Variants in KIFC3 observed in about 807,000 individuals in gnomAD.
KIFC3 encodes the protein kinesin family member C3.
Under a neutral mutation model 101.8 loss-of-function variants are expected in KIFC3, and 60 were observed. The observed-to-expected ratio is 0.59, with a 90% CI of 0.48 to 0.73. The LOEUF is 0.73. Among genes scored for constraint, KIFC3 ranks in the 30% least tolerant of loss-of-function variants. The pLI is 0.00. For synonymous variants in KIFC3, 476 were observed against 482.7 expected (o/e 0.99, Z 0.18); for missense variants, 966 against 1,137.1 (o/e 0.85, Z 2.16).
At chr16:57,815,733 C>T (rs1598197678) in intron 1 of KIFC3, 2 of 1,125,204 alleles carry the variant, frequency 1.8e-6, no homozygotes, top group Non-Finnish European at 2.4e-6. Context: ...CAACTCCACC[C>T]AGCCATGGCT....
intron 1 of KIFC3, among the ~76,000 whole-genome samples, chr16:57,831,219 G>A (rs782743796): frequency 3.3e-5 from 5 of 152,226 alleles, no homozygotes; most frequent in Non-Finnish European, 7.3e-5. Context: ...GCTAGAGTGA[G>A]AACCACATCT....
At chr16:57,766,236 C>T (rs571408307) in intron 10 of KIFC3, among the ~76,000 whole-genome samples, 46 of 152,294 alleles carry the variant, frequency 3.0e-4, no homozygotes, top group Non-Finnish European at 5.9e-4. Flanking sequence ...CCAGCATGGC[C>T]CACCTGCCCT....
rs1249281417 is a variant in KIFC3 at position 57,760,377 on chromosome 16, AAT to A, written c.2270_2271del (p.Tyr757PhefsTer6). On this transcript the variant is annotated frameshift_variant, in exon 17 of 20. Transcript: ENST00000445690. LOFTEE classifies it high-confidence loss of function. ...PVEKNTSETL[Y>X]SLKFAERVRS... is the part of the protein sequence containing the mutation. ...CGCACCCTCTCAGCAAACTTGAGGG[AAT>A]AGAGCGTCTCGCTAGTGTTCTTCTC... 5 of 1,613,842 alleles carry A rather than the reference AAT, an allele frequency of 3.1e-6. No individual in the cohort carries two copies. Among genetic ancestry groups the A allele is most frequent in the Non-Finnish European group, 4.2e-6 (5 of 1,179,990 alleles).
In KIFC3 at chr16:57,758,760, A is replaced by ATCTT. The variant is rs782181297; in HGVS notation, c.*170_*173dup. The ATCTT allele has an allele frequency of 7.7e-6, 8 of 1,036,652 alleles. No homozygotes were observed. The highest frequency in any genetic ancestry group is 4.0e-4 in the Middle Eastern group (2 of 4,954). The allele number at this position is 1,036,652 out of a possible 1,614,324, so 64.2% of individuals were successfully genotyped here. A position where few individuals can be genotyped will look rare whatever the true frequency, so the allele number is the denominator to read the frequency against. ...CCGTTTCCTTCTGAACATGTTTCTC[A>ATCTT]TCTTTGAGGGGAGACGGGGCAGAAG... is the stretch of plus-strand genomic sequence containing the variant. On this transcript the variant is annotated 3_prime_UTR_variant, in exon 20 of 20. Coordinates refer to ENST00000445690, the MANE Select transcript of KIFC3 (RefSeq NM_001130100.2).
At chr16:57,844,661 C>G (rs966638023) in intron 1 of KIFC3, among the ~76,000 whole-genome samples, 4 of 152,098 alleles carry the variant, frequency 2.6e-5, no homozygotes, top group African/African-American at 9.7e-5. Flanking sequence ...CCCCACCGCC[C>G]CCTCCGCAGG....
chr16:57,788,812 C>CA lies in KIFC3; in HGVS notation c.315+6186dup, dbSNP rs1205999869. 2.8e-5 allele frequency: 33 copies of CA among 1,171,150 alleles called. No homozygotes were observed. The Admixed American group carries it at 9.3e-4, about 33-fold the overall frequency. 72.5% of individuals were successfully genotyped at this position (1,171,150 alleles called of 1,614,324 possible). On this transcript the variant is annotated intron_variant, in intron 3 of 19. Coordinates refer to ENST00000445690, the MANE Select transcript of KIFC3 (RefSeq NM_001130100.2). ...GTGCTCCCGGAGCTGGCAAGGATCCCAGGGCCCAGCGGGTCCAGTCCCTCC... is the reference window on the plus strand; with the variant it reads ...GTGCTCCCGGAGCTGGCAAGGATCCCAAGGGCCCAGCGGGTCCAGTCCCTCC...
At chr16:57,820,839 G>A (rs1158586099) in intron 1 of KIFC3, among the ~76,000 whole-genome samples, 1 of 152,196 alleles carries the variant, frequency 6.6e-6, no homozygotes, top group African/African-American at 2.4e-5. Flanking sequence ...AGAGAATACA[G>A]GTAAGGTGCA....
At chr16:57,760,197 G>T in intron 17 of KIFC3, 85 bp downstream of exon 17, 1 of 1,485,052 alleles carries the variant, frequency 6.7e-7, no homozygotes, top group East Asian at 2.3e-5. Flanking sequence ...GCTTCAGGAC[G>T]TCCCCGCCCA....
chr16:57,826,869 G>A (rs539663475), intron 1 of KIFC3, among the ~76,000 whole-genome samples: 5 of 152,230 alleles, frequency 3.3e-5, no homozygotes, highest in East Asian at 1.9e-4. Context: ...TCTGGACCTC[G>A]GACTCCCAGA....
At chr16:57,861,935 T>G (rs1485933831) in intron 1 of KIFC3, among the ~76,000 whole-genome samples, 2 of 152,122 alleles carry the variant, frequency 1.3e-5, no homozygotes, top group Middle Eastern at 3.4e-3. Context: ...GGCAACAAAG[T>G]GAAACTCTGC....
chr16:57,828,267 G>A (rs782747815), intron 1 of KIFC3, among the ~76,000 whole-genome samples: 7 of 152,240 alleles, frequency 4.6e-5, no homozygotes, highest in Non-Finnish European at 7.3e-5. Context: ...GGTAGGAAGC[G>A]TGCTTAGGTC....
At chr16:57,819,806 G>C (rs2055313363) in intron 1 of KIFC3, among the ~76,000 whole-genome samples, 1 of 151,870 alleles carries the variant, frequency 6.6e-6, no homozygotes, top group African/African-American at 2.4e-5. Flanking sequence ...TGATCTGCCT[G>C]CCTCAGCCTC....
chr16:57,839,814 CT>C (rs770897176), intron 1 of KIFC3, among the ~76,000 whole-genome samples: 82 of 152,218 alleles, frequency 5.4e-4, no homozygotes, highest in African/African-American at 3.4e-4. Context: ...TTTTTCCCCC[CT>C]GGATCTAAAA....
intron 9 of KIFC3, among the ~76,000 whole-genome samples, chr16:57,768,976 C>T (rs1248414021): frequency 3.9e-5 from 6 of 152,130 alleles, no homozygotes; most frequent in South Asian, 2.1e-4. Flanking sequence ...AGACCAGCCT[C>T]GGCAACATAA....
chr16:57,814,098 A>G (rs1387731261), intron 1 of KIFC3, among the ~76,000 whole-genome samples: 1 of 152,140 alleles, frequency 6.6e-6, no homozygotes, highest in Admixed American at 6.5e-5. Context: ...CTCAGCATGC[A>G]TTCAGAGCTC....
chr16:57,771,528 G>A lies in KIFC3; in HGVS notation c.525+15C>T, dbSNP rs529996725. 1.2e-5 allele frequency: 19 copies of A among 1,611,882 alleles called. No homozygotes were observed. Among genetic ancestry groups the A allele is most frequent in the African/African-American group, 2.7e-5 (2 of 75,060 alleles). ...CCTCCAGGACCAGCATGGGGACCAC[G>A]GCCATTCTGCTCACCTGGCTGTGCT... is the stretch of plus-strand genomic sequence containing the variant. On this transcript the variant is annotated intron_variant, in intron 5 of 19. Coordinates refer to ENST00000445690, the MANE Select transcript of KIFC3 (RefSeq NM_001130100.2).
rs534738233 is a variant in KIFC3, at chr16:57,802,088, C to T, written c.-40+282G>A. Reference sequence around the variant, plus strand: ...CATCCCGGGTAGGGTCTGCGCTCTTCTCGTTCAATAAAATCCAAACGGGGT... The same window carrying T: ...CATCCCGGGTAGGGTCTGCGCTCTTTTCGTTCAATAAAATCCAAACGGGGT... On this transcript the variant is annotated intron_variant, in intron 1 of 19. Coordinates refer to ENST00000445690, the MANE Select transcript of KIFC3 (RefSeq NM_001130100.2). The surrounding 1 kb of genome is among the most constrained non-coding windows in gnomAD (Gnocchi z 5.0). 1.3e-5 allele frequency among the ~76,000 whole-genome samples: 2 copies of T among 152,368 alleles called. No individual in the cohort carries two copies. Among genetic ancestry groups the T allele is most frequent in the East Asian group, 1.9e-4 (1 of 5,182 alleles).
rs1297865647 is a variant in KIFC3 at position 57,785,775 on chromosome 16, G to C, written c.315+9224C>G. ...ACCAGGGATGATAGAGGTGCAAGCA[G>C]AGGGGGTGGGCAACCAGGTGAGGGC... On this transcript the variant is annotated intron_variant, in intron 3 of 19. Transcript: ENST00000445690. 5.5e-6 allele frequency: 3 copies of C among 548,416 alleles called. No homozygotes were observed. In the East Asian group the frequency reaches 3.1e-4, roughly 57 times the overall value. The allele number at this position is 548,416 out of a possible 1,614,324, so 34.0% of individuals were successfully genotyped here. A position where few individuals can be genotyped will look rare whatever the true frequency, so the allele number is the denominator to read the frequency against.
chr16:57,836,041 G>C (rs1331879262), intron 1 of KIFC3, among the ~76,000 whole-genome samples: 1 of 152,138 alleles, frequency 6.6e-6, no homozygotes, highest in African/African-American at 2.4e-5. Flanking sequence ...ATTCCAGAGG[G>C]AAACCCAGTC....
Sources: gnomAD v4.1 joint callset for allele counts (sites outside exome capture counted in the v4.1 genomes callset) on GRCh38, gnomAD v4.1.1 for gene constraint, Gnocchi (gnomAD v3.1) non-coding constraint, MANE v1.5 for transcripts, NCBI Gene and HGNC (gene_info 2026-07-23, HGNC 2026-07-21) for gene names.